The following GRIK4 variants were observed in gnomAD, a reference collection of about 807,000 sequenced individuals.
GRIK4 encodes glutamate receptor ionotropic, kainate 4.
GRIK4 carries 40 observed loss-of-function variants against 104.9 expected under a neutral mutation model. The observed-to-expected ratio is 0.38, with a 90% CI of 0.30 to 0.50. The LOEUF (loss-of-function observed/expected upper bound fraction) is 0.50, where lower values mean the gene tolerates loss of function less well. Among genes scored for constraint, GRIK4 ranks in the 20% least tolerant of loss-of-function variants. The probability of loss-of-function intolerance (pLI) is 0.93; values close to 1 mark genes in which losing one functional copy is unlikely to be tolerated. For synonymous variants in GRIK4, 485 were observed against 524.9 expected (o/e 0.92, Z 1.04); for missense variants, 1,047 against 1,308.1 (o/e 0.80, Z 3.08).
intron 11 of GRIK4, among the ~76,000 whole-genome samples, chr11:120,881,451 G>A (rs1259803913): frequency 1.3e-5 from 2 of 152,206 alleles, no homozygotes; most frequent in African/African-American, 4.8e-5. Context: ...AATGAGGAGA[G>A]GGCCAGTAAT....
intron 5 of GRIK4, among the ~76,000 whole-genome samples, chr11:120,818,389 A>G (rs1953016504): frequency 6.6e-6 from 1 of 152,232 alleles, no homozygotes; most frequent in Non-Finnish European, 1.5e-5. Flanking sequence ...GATGGGATAC[A>G]AAATACAAGC....
At chr11:120,839,518 A>C (rs901943139) in intron 8 of GRIK4, among the ~76,000 whole-genome samples, 6 of 152,332 alleles carry the variant, frequency 3.9e-5, no homozygotes, top group Middle Eastern at 3.4e-3. Context: ...TTTATTTAGG[A>C]GAAGGTGTTA....
chr11:120,674,628 G>A (rs78993289), intron 3 of GRIK4, among the ~76,000 whole-genome samples: 1,611 of 152,350 alleles, frequency 0.011, 20 homozygotes, highest in African/African-American at 0.034. Context: ...AGCATGGAGT[G>A]ACACAGGTGG....
chr11:120,742,345 C>CAAA (rs755002657), intron 3 of GRIK4, among the ~76,000 whole-genome samples: 5 of 74,130 alleles, frequency 6.7e-5, no homozygotes, highest in African/African-American at 1.6e-4. Context: ...GACTCCGTTT[C>CAAA]AAAAAAAAAA....
At chr11:120,699,813 G>T (rs1950520999) in intron 3 of GRIK4, among the ~76,000 whole-genome samples, 2 of 152,160 alleles carry the variant, frequency 1.3e-5, no homozygotes, top group South Asian at 4.1e-4. Context: ...GGGACCCAGA[G>T]GCAGGAATGG....
intron 9 of GRIK4, among the ~76,000 whole-genome samples, chr11:120,865,689 G>A (rs958528972): frequency 2.6e-5 from 4 of 151,890 alleles, no homozygotes; most frequent in Admixed American, 1.3e-4. Context: ...GTGAGGAAAT[G>A]TACTCTCCCT....
chr11:120,810,917 G>C (rs369075128), intron 4 of GRIK4, among the ~76,000 whole-genome samples: 66 of 152,230 alleles, frequency 4.3e-4, no homozygotes, highest in African/African-American at 1.5e-3. Flanking sequence ...GTAGTTTGTT[G>C]CCTACATTCA....
chr11:120,882,396 A>C (rs1389542495), intron 11 of GRIK4, among the ~76,000 whole-genome samples: 2 of 152,348 alleles, frequency 1.3e-5, no homozygotes, highest in Middle Eastern at 3.4e-3. Context: ...GATTGCTGGG[A>C]ATCAGCAGCC....
intron 11 of GRIK4, among the ~76,000 whole-genome samples, chr11:120,883,537 A>G (rs1042948621): frequency 6.6e-6 from 1 of 152,174 alleles, no homozygotes; most frequent in African/African-American, 2.4e-5. Context: ...CAAGGGGCAG[A>G]TGAGCTGGCT....
chr11:120,534,301 C>G lies in GRIK4; in HGVS notation c.-159+22414C>G, dbSNP rs570282784. Reference sequence around the variant, plus strand: ...GCAGAAGAAGGTGACGGATTCAGTTCCATTTTAGACTGGTTGGCTTTGAAG... The same window carrying G: ...GCAGAAGAAGGTGACGGATTCAGTTGCATTTTAGACTGGTTGGCTTTGAAG... On this transcript the variant is annotated intron_variant, in intron 1 of 20. Transcript: ENST00000527524. Among the ~76,000 whole-genome samples the G allele has an allele frequency of 7.4e-4, 113 of 152,030 alleles. 1 individual carries two copies. The highest frequency in any genetic ancestry group is 1.2e-3 in the Non-Finnish European group (84 of 68,020).
chr11:120,769,755 G>C (rs1298359164), intron 3 of GRIK4, among the ~76,000 whole-genome samples: 1 of 152,184 alleles, frequency 6.6e-6, no homozygotes, highest in Non-Finnish European at 1.5e-5. Context: ...GGAATGGATA[G>C]GAAGTCAACT....
At chr11:120,753,920 C>T (rs1247285626) in intron 3 of GRIK4, among the ~76,000 whole-genome samples, 2 of 152,140 alleles carry the variant, frequency 1.3e-5, no homozygotes, top group African/African-American at 2.4e-5. Flanking sequence ...TTTTTCAGCA[C>T]CCCAAGAAGA....
chr11:120,944,146 C>G (rs1943796543), intron 14 of GRIK4, among the ~76,000 whole-genome samples: 1 of 152,152 alleles, frequency 6.6e-6, no homozygotes, highest in Admixed American at 6.5e-5. Flanking sequence ...GTCACTCTCT[C>G]TCTGTCTCTC....
chr11:120,693,749 G>A (rs1432208354), intron 3 of GRIK4, among the ~76,000 whole-genome samples: 1 of 152,160 alleles, frequency 6.6e-6, no homozygotes, highest in Non-Finnish European at 1.5e-5. Context: ...GATTGGATGT[G>A]GGGTAGTGGG....
rs539566599 is a variant in GRIK4 at position 120,518,864 on chromosome 11, C to T, written c.-159+6977C>T. Among the ~76,000 whole-genome samples the T allele has an allele frequency of 4.6e-5, 7 of 152,280 alleles. No homozygotes were observed. In the South Asian group the frequency reaches 8.3e-4, roughly 18 times the overall value. On this transcript the variant is annotated intron_variant, in intron 1 of 20. Coordinates refer to ENST00000527524, the MANE Select transcript of GRIK4 (RefSeq NM_014619.5). ...AAACTCGTGACCTCAGGTGATCCGC[C>T]GGCCTCAGCCTCCAAAGTGCTGACA...
In GRIK4 at chr11:120,773,801, G is replaced by C. The variant is rs115405369; in HGVS notation, c.83-28892G>C. On this transcript the variant is annotated intron_variant, in intron 3 of 20. Transcript: ENST00000527524. ...TTATAACCACAGACTACTCTCAAAGGGTTTGAAGTTTAAACTTATACCCTC... is the reference window on the plus strand; with the variant it reads ...TTATAACCACAGACTACTCTCAAAGCGTTTGAAGTTTAAACTTATACCCTC... Among the ~76,000 whole-genome samples, 385 of 152,200 alleles carry C rather than the reference G, an allele frequency of 2.5e-3. 2 individuals are homozygous for C. Among genetic ancestry groups the C allele is most frequent in the African/African-American group, 8.7e-3 (363 of 41,508 alleles).
At chr11:120,846,852 G>A (rs1241245358) in intron 8 of GRIK4, among the ~76,000 whole-genome samples, 3 of 152,158 alleles carry the variant, frequency 2.0e-5, no homozygotes, top group Admixed American at 6.5e-5. Context: ...ATTTTTTCCA[G>A]ATGAAATCGG....
intron 3 of GRIK4, among the ~76,000 whole-genome samples, chr11:120,691,371 C>T (rs1950360372): frequency 6.6e-6 from 1 of 152,268 alleles, no homozygotes; most frequent in South Asian, 2.1e-4. Context: ...ATGTGACCAG[C>T]CTTGTGCAAG....
intron 11 of GRIK4, among the ~76,000 whole-genome samples, chr11:120,883,416 C>A (rs1340408465): frequency 6.6e-6 from 1 of 152,218 alleles, no homozygotes; most frequent in Non-Finnish European, 1.5e-5. Context: ...TTTCCCCTTT[C>A]CATTCCTTTC....
Sources: gnomAD v4.1 joint callset for allele counts (sites outside exome capture counted in the v4.1 genomes callset) on GRCh38, gnomAD v4.1.1 for gene constraint, MANE v1.5 for transcripts, NCBI Gene and HGNC (gene_info 2026-07-23, HGNC 2026-07-21) for gene names.